Variants in RIMS1 observed in about 807,000 individuals in gnomAD.
RIMS1 encodes regulating synaptic membrane exocytosis protein 1.
RIMS1 carries 83 observed loss-of-function variants against 214.1 expected under a neutral mutation model. The observed-to-expected ratio is 0.39, with a 90% CI of 0.32 to 0.47. The LOEUF (loss-of-function observed/expected upper bound fraction) is 0.47. RIMS1 is among the 20% of genes least tolerant of loss of function. The pLI is 0.99. For synonymous variants in RIMS1, 793 were observed against 786.8 expected, an observed-to-expected ratio of 1.01 and a Z score of -0.13; for missense variants, 2,050 against 2,161.8, an observed-to-expected ratio of 0.95 and a Z score of 1.03.
chr6:71,919,651 A>G (rs1562195457), intron 1 of RIMS1, among the ~76,000 whole-genome samples: 1 of 152,172 alleles, frequency 6.6e-6, no homozygotes, highest in Admixed American at 6.6e-5. Flanking sequence ...ATGCAACTTC[A>G]TAGCCTATTT....
chr6:72,248,509 T>C (rs892940688), intron 12 of RIMS1, among the ~76,000 whole-genome samples: 1 of 152,120 alleles, frequency 6.6e-6, no homozygotes, highest in African/African-American at 2.4e-5. Context: ...GAGCCTAAAT[T>C]TGGAATATTC....
At chr6:72,002,596 G>A (rs1165881806) in intron 2 of RIMS1, among the ~76,000 whole-genome samples, 1 of 152,142 alleles carries the variant, frequency 6.6e-6, no homozygotes, top group African/African-American at 2.4e-5. Flanking sequence ...TGAGGAGGTG[G>A]CAGTGACAAA....
In RIMS1 at chr6:72,013,753, C is replaced by T. The variant is rs117471222; in HGVS notation, c.245+44690C>T. Reference sequence around the variant, plus strand: ...TATATAATCTACATACTATAAAATTCGCTGTATGAAAGTGTGCAGTTCACT... The same window carrying T: ...TATATAATCTACATACTATAAAATTTGCTGTATGAAAGTGTGCAGTTCACT... On this transcript the variant is annotated intron_variant, in intron 2 of 33. Transcript: ENST00000521978. Among the ~76,000 whole-genome samples, 141 of 152,288 alleles carry T rather than the reference C, an allele frequency of 9.3e-4. 1 individual carries two copies. Among genetic ancestry groups the T allele is most frequent in the Admixed American group, 1.4e-3 (22 of 15,294 alleles).
intron 2 of RIMS1, among the ~76,000 whole-genome samples, chr6:72,055,329 G>A: frequency 6.6e-6 from 1 of 152,138 alleles, no homozygotes; most frequent in East Asian, 1.9e-4. Flanking sequence ...ACAAGTACAT[G>A]AGGGAGATCT....
chr6:71,937,695 A>T (rs1242004942), intron 1 of RIMS1, among the ~76,000 whole-genome samples: 1 of 152,196 alleles, frequency 6.6e-6, no homozygotes, highest in Non-Finnish European at 1.5e-5. Context: ...CTCCTGTGAT[A>T]ATGGCATCAG....
intron 29 of RIMS1, among the ~76,000 whole-genome samples, chr6:72,375,972 A>G (rs1391358097): frequency 6.6e-6 from 1 of 152,234 alleles, no homozygotes; most frequent in Non-Finnish European, 1.5e-5. Context: ...GGTTTTATAA[A>G]TGCAAGAGAA....
intron 1 of RIMS1, among the ~76,000 whole-genome samples, chr6:71,895,673 CAAAAAAAAAAAAAA>C (rs70994105): frequency 1.6e-5 from 1 of 64,222 alleles, no homozygotes; most frequent in Non-Finnish European, 2.8e-5. Flanking sequence ...GACTCCCTCT[CAAAAAAAAAAAAAA>C]AAAAAAAAAA....
chr6:71,913,343 G>C (rs1008126419), intron 1 of RIMS1, among the ~76,000 whole-genome samples: 3 of 152,066 alleles, frequency 2.0e-5, no homozygotes, highest in Admixed American at 6.6e-5. Context: ...TTGAAGGGAC[G>C]GTTACTTGGT....
intron 4 of RIMS1, among the ~76,000 whole-genome samples, chr6:72,116,332 C>G (rs370575083): frequency 1.3e-5 from 2 of 151,916 alleles, no homozygotes; most frequent in African/African-American, 4.8e-5. Context: ...GGGATGTTGT[C>G]ACATCAGAAA....
intron 31 of RIMS1, among the ~76,000 whole-genome samples, chr6:72,396,874 A>G (rs2098784608): frequency 6.6e-6 from 1 of 152,112 alleles, no homozygotes; most frequent in African/African-American, 2.4e-5. Context: ...ATAGCCAGGC[A>G]TGGTGGCACA....
intron 1 of RIMS1, among the ~76,000 whole-genome samples, chr6:71,897,368 C>T (rs1772124859): frequency 6.6e-6 from 1 of 152,136 alleles, no homozygotes; most frequent in African/African-American, 2.4e-5. Context: ...TCCCATAAAA[C>T]CCGCTTGCTT....
At chr6:72,197,917 A>C (rs1457263779) in intron 6 of RIMS1, among the ~76,000 whole-genome samples, 1 of 152,098 alleles carries the variant, frequency 6.6e-6, no homozygotes. Context: ...AAAATGTATA[A>C]GCTTTTGGAG....
chr6:72,056,885 AC>A (rs1439537544), intron 2 of RIMS1, among the ~76,000 whole-genome samples: 4 of 152,336 alleles, frequency 2.6e-5, no homozygotes, highest in African/African-American at 9.6e-5. Flanking sequence ...TAATTTGCAC[AC>A]CTAGATTCTA....
In RIMS1 at chr6:71,971,029, T is replaced by A. The variant is rs547723296; in HGVS notation, c.245+1966T>A. ...ACCAGACCTCTTTTAATATTTTTTT[T>A]AAAAATAAAAGATAATAGAAAATAT... On this transcript the variant is annotated intron_variant, in intron 2 of 33. Transcript: ENST00000521978. Among the ~76,000 whole-genome samples, 1,028 of 145,214 alleles carry A rather than the reference T, an allele frequency of 7.1e-3. 3 individuals are homozygous for A. The highest frequency in any genetic ancestry group is 0.019 in the South Asian group (86 of 4,554).
At chr6:72,270,812 A>C (rs1001036419) in intron 22 of RIMS1, among the ~76,000 whole-genome samples, 1 of 152,140 alleles carries the variant, frequency 6.6e-6, no homozygotes, top group Non-Finnish European at 1.5e-5. Context: ...TACCATGGTC[A>C]CCTATCATAT....
intron 6 of RIMS1, among the ~76,000 whole-genome samples, chr6:72,198,544 G>A (rs1298586914): frequency 6.6e-6 from 1 of 151,900 alleles, no homozygotes; most frequent in Non-Finnish European, 1.5e-5. Context: ...TGCTCAATGG[G>A]TACAAACTTA....
intron 28 of RIMS1, among the ~76,000 whole-genome samples, chr6:72,324,070 A>AGATG (rs1169062226): frequency 5.3e-5 from 8 of 151,898 alleles, no homozygotes; most frequent in Non-Finnish European, 1.0e-4. Flanking sequence ...ATAGATAGAT[A>AGATG]GATAGATAGA....
At chr6:71,928,514 T>G (rs1782173473) in intron 1 of RIMS1, among the ~76,000 whole-genome samples, 1 of 152,134 alleles carries the variant, frequency 6.6e-6, no homozygotes, top group Non-Finnish European at 1.5e-5. Flanking sequence ...AAATCAGTAT[T>G]AATTACTGAG....
intron 29 of RIMS1, among the ~76,000 whole-genome samples, chr6:72,384,945 G>T (rs910036457): frequency 3.3e-5 from 5 of 152,162 alleles, no homozygotes; most frequent in African/African-American, 1.2e-4. Context: ...AATAAGCAAA[G>T]AGAGAAAGAG....
Sources: gnomAD v4.1 joint callset for allele counts (sites outside exome capture counted in the v4.1 genomes callset) on GRCh38, gnomAD v4.1.1 for gene constraint, MANE v1.5 for transcripts, NCBI Gene and HGNC (gene_info 2026-07-23, HGNC 2026-07-21) for gene names.